NAALADL2: variants seen among roughly 807,000 people sequenced by gnomAD.
NAALADL2 encodes N-acetylated alpha-linked acidic dipeptidase like 2.
Under a neutral mutation model 87.2 loss-of-function variants are expected in NAALADL2, and 76 were observed. The ratio of observed to expected loss-of-function variants is 0.87; its 90% CI spans 0.72 to 1.05. The LOEUF is 1.05. Ranked by LOEUF, NAALADL2 falls within the 50% of genes least tolerant of loss-of-function variation. The probability of loss-of-function intolerance (pLI) is 0.00; values close to 1 mark genes in which losing one functional copy is unlikely to be tolerated. For synonymous variants in NAALADL2, 354 were observed against 331.0 expected, an observed-to-expected ratio of 1.07 and a Z score of -0.75; for missense variants, 1,089 against 945.8, an observed-to-expected ratio of 1.15 and a Z score of -1.99.
chr3:175,463,323 G>A (rs1219170981), intron 6 of NAALADL2, 78 bp from the exon 7 acceptor site: 2 of 886,576 alleles, frequency 2.3e-6, no homozygotes, highest in African/African-American at 3.4e-5. Flanking sequence ...TGATGATATT[G>A]GATAAAATAA....
chr3:174,503,386 C>G (rs1473366094), intron 1 of NAALADL2, among the ~76,000 whole-genome samples: 1 of 151,996 alleles, frequency 6.6e-6, no homozygotes, highest in Non-Finnish European at 1.5e-5. Context: ...TATGCTTATG[C>G]CAGTCAGTAA....
chr3:175,041,873 G>T (rs1217301495), intron 1 of NAALADL2, among the ~76,000 whole-genome samples: 1 of 152,010 alleles, frequency 6.6e-6, no homozygotes, highest in Non-Finnish European at 1.5e-5. Flanking sequence ...TGAAATGATT[G>T]CCAAGATCAA....
intron 1 of NAALADL2, among the ~76,000 whole-genome samples, chr3:174,897,537 G>A (rs1040438681): frequency 6.6e-6 from 1 of 152,162 alleles, no homozygotes; most frequent in South Asian, 2.1e-4. Flanking sequence ...CAAGGATGTG[G>A]AGAAACAGGA....
intron 2 of NAALADL2, among the ~76,000 whole-genome samples, chr3:174,707,295 G>A (rs1730172835): frequency 6.6e-6 from 1 of 152,000 alleles, no homozygotes; most frequent in East Asian, 1.9e-4. Flanking sequence ...CCCATTACTG[G>A]GTATATACCT....
chr3:174,531,597 C>T (rs1485303166), intron 1 of NAALADL2, among the ~76,000 whole-genome samples: 3 of 152,046 alleles, frequency 2.0e-5, no homozygotes, highest in Non-Finnish European at 4.4e-5. Flanking sequence ...TGTAGTTTAC[C>T]TGCTCTGGGG....
At chr3:174,676,174 GA>G (rs1212367300) in intron 2 of NAALADL2, among the ~76,000 whole-genome samples, 20 of 152,068 alleles carry the variant, frequency 1.3e-4, no homozygotes, top group African/African-American at 4.6e-4. Context: ...CAATTGTGAA[GA>G]TCACTCAAAG....
chr3:175,298,310 A>G (rs528388521), intron 4 of NAALADL2, among the ~76,000 whole-genome samples: 3 of 152,156 alleles, frequency 2.0e-5, no homozygotes, highest in Non-Finnish European at 4.4e-5. Context: ...ATAAATTATC[A>G]GACATAATAT....
At chr3:175,800,356 A>G (rs893094354) in intron 13 of NAALADL2, among the ~76,000 whole-genome samples, 1 of 152,086 alleles carries the variant, frequency 6.6e-6, no homozygotes, top group Non-Finnish European at 1.5e-5. Flanking sequence ...CTTAATACAA[A>G]CTATAAACCT....
At chr3:175,329,085 C>T (rs950136577) in intron 5 of NAALADL2, among the ~76,000 whole-genome samples, 1 of 152,074 alleles carries the variant, frequency 6.6e-6, no homozygotes, top group Non-Finnish European at 1.5e-5. Flanking sequence ...TTAGTAACAC[C>T]TCCAGGTAAC....
intron 11 of NAALADL2, among the ~76,000 whole-genome samples, chr3:175,629,191 A>G (rs961981726): frequency 6.7e-6 from 1 of 148,564 alleles, no homozygotes; most frequent in Non-Finnish European, 1.5e-5. Context: ...ACACATAAAA[A>G]CATGCATTAA....
At chr3:174,862,607 C>T (rs994855718) in intron 1 of NAALADL2, among the ~76,000 whole-genome samples, 36 of 152,202 alleles carry the variant, frequency 2.4e-4, no homozygotes, top group African/African-American at 8.4e-4. Context: ...TTAACATGTT[C>T]TTTCTCTCCT....
intron 13 of NAALADL2, among the ~76,000 whole-genome samples, chr3:175,787,253 C>T (rs1026200537): frequency 8.5e-5 from 13 of 152,144 alleles, no homozygotes; most frequent in African/African-American, 3.1e-4. Flanking sequence ...GTTCGAGCTT[C>T]CCGGCTGCTT....
At chr3:175,296,698 A>G (rs576964941) in intron 4 of NAALADL2, among the ~76,000 whole-genome samples, 1 of 152,320 alleles carries the variant, frequency 6.6e-6, no homozygotes, top group South Asian at 2.1e-4. Context: ...TTCTGTGTCA[A>G]CACTGTATTT....
intron 2 of NAALADL2, among the ~76,000 whole-genome samples, chr3:174,630,728 A>T (rs1722030211): frequency 6.6e-6 from 1 of 152,174 alleles, no homozygotes; most frequent in African/African-American, 2.4e-5. Flanking sequence ...AAAGAGAAAG[A>T]TGGAGGTGAA....
At chr3:174,771,903 T>G (rs1384330524) in intron 3 of NAALADL2, among the ~76,000 whole-genome samples, 1 of 152,196 alleles carries the variant, frequency 6.6e-6, no homozygotes, top group East Asian at 1.9e-4. Flanking sequence ...GAAAAGGTTA[T>G]TCACTTTATG....
intron 2 of NAALADL2, among the ~76,000 whole-genome samples, chr3:174,731,784 C>G (rs1010752372): frequency 6.6e-6 from 1 of 152,142 alleles, no homozygotes; most frequent in African/African-American, 2.4e-5. Flanking sequence ...TTAAGACCCA[C>G]TGGGTTATGT....
intron 1 of NAALADL2, among the ~76,000 whole-genome samples, chr3:174,915,623 CAAAAT>C (rs1734268462): frequency 6.6e-6 from 1 of 151,894 alleles, no homozygotes; most frequent in African/African-American, 2.4e-5. Flanking sequence ...GAGAGGAAAA[CAAAAT>C]AAGTCAGTTA....
intron 1 of NAALADL2, among the ~76,000 whole-genome samples, chr3:174,506,360 T>C (rs1719206553): frequency 1.3e-5 from 2 of 151,974 alleles, no homozygotes; most frequent in South Asian, 4.2e-4. Flanking sequence ...TTTGTATTTT[T>C]AGAAGAGACA....
At chr3:175,576,457 G>A (rs905202924) in intron 10 of NAALADL2, among the ~76,000 whole-genome samples, 1 of 152,118 alleles carries the variant, frequency 6.6e-6, no homozygotes, top group Admixed American at 6.6e-5. Flanking sequence ...TGCAGTAGTT[G>A]GATTAACATC....
Sources: gnomAD v4.1 joint callset for allele counts (sites outside exome capture counted in the v4.1 genomes callset) on GRCh38, gnomAD v4.1.1 for gene constraint, MANE v1.5 for transcripts, NCBI Gene and HGNC (gene_info 2026-07-23, HGNC 2026-07-21) for gene names.